INTS11: variants seen among roughly 807,000 people sequenced by gnomAD.
INTS11 encodes integrator complex subunit 11.
INTS11 carries 77 observed loss-of-function variants against 78.6 expected under a neutral mutation model. The ratio of observed to expected loss-of-function variants is 0.98; its 90% CI spans 0.81 to 1.18. The LOEUF is 1.18. INTS11 is among the 50% of genes most tolerant of loss of function. INTS11 has a pLI of 0.00. For synonymous variants in INTS11, 441 were observed against 326.9 expected (o/e 1.35, Z -3.77); for missense variants, 875 against 825.9 (o/e 1.06, Z -0.73).
Position 1,312,048 on chromosome 1 carries a change from G to A in INTS11, c.1707C>T (p.Thr569=), listed in dbSNP as rs1323558940. ...AGGTCCAGGAGACCAGCAGCACCTT[G>A]GTGCCTGGGTCCTCAGAAGGGGCGG... ...QAAAPSEDPG[T]KVLLVSWTYQ... is the part of the protein sequence containing the mutation. Residue 569 remains threonine (T), a synonymous_variant, in exon 16 of 17, where the codon ACC becomes ACT. Coordinates refer to ENST00000435064, the MANE Select transcript of INTS11 (RefSeq NM_017871.6). The A allele has an allele frequency of 4.4e-6, 7 of 1,573,310 alleles. No individual in the cohort carries two copies. The highest frequency in any genetic ancestry group is 6.0e-6 in the Non-Finnish European group (7 of 1,158,762).
At chr1:1,320,948 G>T in intron 2 of INTS11, 48 bp downstream of exon 2, 1 of 1,530,138 alleles carries the variant, frequency 6.5e-7, no homozygotes, top group Non-Finnish European at 9.1e-7. Context: ...GTCCAGCTGT[G>T]GATGGCCGGC....
At chr1:1,319,182 G>A (rs769545900) in intron 4 of INTS11, 114 bp downstream of exon 4, 29 of 934,152 alleles carry the variant, frequency 3.1e-5, no homozygotes, top group Admixed American at 1.0e-4. Flanking sequence ...GAGTGAGGTG[G>A]GGTGGGCTCA....
Position 1,311,801 on chromosome 1 carries a change from G to T in INTS11, c.*58C>A. 1 of 1,495,580 alleles carries T rather than the reference G, an allele frequency of 6.7e-7. No individual in the cohort carries two copies. Among genetic ancestry groups the T allele is most frequent in the Non-Finnish European group, 9.0e-7 (1 of 1,109,814 alleles). 92.6% of individuals were successfully genotyped at this position (1,495,580 alleles called of 1,614,324 possible). On this transcript the variant is annotated 3_prime_UTR_variant, in exon 17 of 17. Transcript: ENST00000435064. ...GGGCACCCACAGTCCTGAAGTGCAGGCCCAGGGTCTGTCCAGCTGGGAGAG... is the reference window on the plus strand; with the variant it reads ...GGGCACCCACAGTCCTGAAGTGCAGTCCCAGGGTCTGTCCAGCTGGGAGAG...
Position 1,312,213 on chromosome 1 carries a change from G to GGGGGGGGCCCCCCCCCC in INTS11, c.1607+12_1607+13insGGGGGGGGGGCCCCCCC. On this transcript the variant is annotated intron_variant, in intron 15 of 16. Transcript: ENST00000435064. ...CCCAAGGGAGTGGGGGGGGGGCGGG[G>GGGGGGGGCCCCCCCCCC]CCGGGCGCCCACCTCTTGAGGTGGC... The GGGGGGGGCCCCCCCCCC allele has an allele frequency of 4.3e-6, 4 of 934,534 alleles. No individual in the cohort carries two copies. The highest frequency in any genetic ancestry group is 6.3e-6 in the Non-Finnish European group (4 of 636,590). 57.9% of individuals were successfully genotyped at this position (934,534 alleles called of 1,614,324 possible). A position where few individuals can be genotyped will look rare whatever the true frequency, so the allele number is the denominator to read the frequency against.
rs368395926 is a variant in INTS11, at chr1:1,314,842, G to C, written c.684C>G (p.Thr228=). ...CAGCTACCTTCCCACCACGCTCCAC[G>C]GTCTCGTGGACTTTCTTCAGGAAGT... ...ERDFLKKVHE[T]VERGGKVLIP... The change falls in exon 7 of 17, where the codon ACC becomes ACG. Residue 228 remains threonine (T), a synonymous_variant. Coordinates refer to ENST00000435064, the MANE Select transcript of INTS11 (RefSeq NM_017871.6). The surrounding 1 kb of genome is among the most constrained non-coding windows in gnomAD (Gnocchi z 4.2). 12 of 1,612,180 alleles carry C rather than the reference G, an allele frequency of 7.4e-6. No individual in the cohort carries two copies. In the South Asian group the frequency reaches 1.3e-4, roughly 18 times the overall value.
At position 1,319,461 on chromosome 1, in the gene INTS11, C is replaced by G. The variant is rs10907179; in HGVS notation, c.264G>C (p.Gly88=). The change falls in exon 4 of 17, where the codon GGG becomes GGC. Residue 88 remains glycine (G), a synonymous_variant. Coordinates refer to ENST00000435064, the MANE Select transcript of INTS11 (RefSeq NM_017871.6). ...PYFSEMVGYD[G]PIYMTHPTQA... ...GGGTGGGGTGAGTCATGTAGATGGG[C>G]CCGTCGTAGCCCACCATCTCGCTGA... The G allele has an allele frequency of 0.89, 1,431,455 of 1,610,960 alleles. 648,022 individuals are homozygous for G. The highest frequency in any genetic ancestry group is 0.93 in the Non-Finnish European group (1,098,897 of 1,178,562).
intron 1 of INTS11, among the ~76,000 whole-genome samples, chr1:1,322,611 C>T (rs1300075984): frequency 9.8e-6 from 1 of 102,028 alleles, no homozygotes; most frequent in Non-Finnish European, 2.0e-5. Context: ...GGAGAAGAAG[C>T]GGGGCGGGCG....
chr1:1,313,019 C>CG lies in INTS11; in HGVS notation c.1131+15dup. On this transcript the variant is annotated intron_variant, in intron 11 of 16. Coordinates refer to ENST00000435064, the MANE Select transcript of INTS11 (RefSeq NM_017871.6). ...GCCCCTCGGCCCTGCCAGCCCAGTG[C>CG]GGGGTCGAGACTCACCACCTGCCGC... 6.2e-7 allele frequency: 1 copy of CG among 1,611,230 alleles called. No homozygotes were observed. The highest frequency in any genetic ancestry group is 2.2e-5 in the East Asian group (1 of 44,848).
intron 4 of INTS11, 189 bp downstream of exon 4, chr1:1,319,107 A>G: frequency 1.3e-6 from 1 of 764,614 alleles, no homozygotes. Context: ...GTCGGCGCCC[A>G]GTCTGGTCTG....
At position 1,312,845 on chromosome 1, in the gene INTS11, C is replaced by G. The variant is rs1642312201; in HGVS notation, c.1236G>C (p.Leu412=). Residue 412 remains leucine (L), a synonymous_variant, in exon 12 of 17, where the codon CTG becomes CTC. Coordinates refer to ENST00000435064, the MANE Select transcript of INTS11 (RefSeq NM_017871.6). Reference sequence around the variant, plus strand: ...CCATCTTCTTGGCCTCGCCATGCACCAGCAGCACGCTCTCCGGCTCTGCCT... The same window carrying G: ...CCATCTTCTTGGCCTCGCCATGCACGAGCAGCACGCTCTCCGGCTCTGCCT... ...VGQAEPESVL[L]VHGEAKKMEF... 1 of 1,612,034 alleles carries G rather than the reference C, an allele frequency of 6.2e-7. No homozygotes were observed. Among genetic ancestry groups the G allele is most frequent in the Non-Finnish European group, 8.5e-7 (1 of 1,179,820 alleles).
intron 6 of INTS11, 91 bp downstream of exon 6, chr1:1,315,313 C>T (rs374394282): frequency 2.7e-6 from 4 of 1,484,382 alleles, no homozygotes; most frequent in East Asian, 2.3e-5. Context: ...CACTGCCAGG[C>T]TGGCCACTCA....
At position 1,320,233 on chromosome 1, in the gene INTS11, G is replaced by C. The variant is rs1024499502; in HGVS notation, c.200+223C>G. 2.7e-5 allele frequency: 15 copies of C among 550,602 alleles called. No homozygotes were observed. In the African/African-American group the frequency reaches 2.8e-4, roughly 10 times the overall value. 34.1% of individuals were successfully genotyped at this position (550,602 alleles called of 1,614,324 possible). A position where few individuals can be genotyped will look rare whatever the true frequency, so the allele number is the denominator to read the frequency against. On this transcript the variant is annotated intron_variant, in intron 3 of 16. Transcript: ENST00000435064. The stretch of plus-strand genomic sequence containing the variant: ...GAGAGGGTGAAGCCTGGAGGGCCGG[G>C]TTCAGAAAGTAGGGTTCAGAGGGCA...
rs199632201 is a variant in INTS11 at position 1,312,794 on chromosome 1, C to T, written c.1287G>A (p.Gln429=). ...GCCCGCCCGGCTGCCTACGGAGCTC[C>T]TGCTCGATCTTCTGCTTCAGGAACT... ...KMEFLKQKIE[Q]ELRVNCYMPA... Residue 429 remains glutamine (Q), a synonymous_variant, in exon 12 of 17, where the codon CAG becomes CAA. Transcript: ENST00000435064. 2 of 1,608,102 alleles carry T rather than the reference C, an allele frequency of 1.2e-6. No individual in the cohort carries two copies. The highest frequency in any genetic ancestry group is 8.5e-7 in the Non-Finnish European group (1 of 1,177,154).
intron 1 of INTS11, chr1:1,323,000 C>T: frequency 7.2e-7 from 1 of 1,385,850 alleles, no homozygotes; most frequent in Non-Finnish European, 9.4e-7. Context: ...GAACAGGCAG[C>T]CAAGAGGCCA....
intron 1 of INTS11, chr1:1,322,861 C>T (rs772149208): frequency 8.7e-5 from 100 of 1,149,434 alleles, no homozygotes; most frequent in Middle Eastern, 3.7e-4. Flanking sequence ...TGCAGGGAAG[C>T]GGTGAAACAG....
intron 1 of INTS11, 41 bp from the exon 2 acceptor site, chr1:1,321,134 G>A (rs1025914729): frequency 8.8e-6 from 13 of 1,482,120 alleles, no homozygotes; most frequent in Admixed American, 1.7e-5. Context: ...TGCGCCCCCC[G>A]CCCCCTGTGC....
Position 1,319,469 on chromosome 1 carries a change from A to G in INTS11, c.256T>C (p.Tyr86His). ...TGAGTCATGTAGATGGGCCCGTCGT[A>G]GCCCACCATCTCGCTGAAGTAGGGG... Reference protein sequence around the residue: ...ALPYFSEMVGYDGPIYMTHPT... With the variant: ...ALPYFSEMVGHDGPIYMTHPT... The change falls in exon 4 of 17, where the codon TAC becomes CAC. Residue 86 changes from tyrosine (Y) to histidine (H), a missense_variant. Coordinates refer to ENST00000435064, the MANE Select transcript of INTS11 (RefSeq NM_017871.6). 1 of 1,608,888 alleles carries G rather than the reference A, an allele frequency of 6.2e-7. No individual in the cohort carries two copies. The highest frequency in any genetic ancestry group is 8.5e-7 in the Non-Finnish European group (1 of 1,177,274).
At chr1:1,321,898 T>TACCCCCCCCC in intron 1 of INTS11, 10 of 1,141,932 alleles carry the variant, frequency 8.8e-6, no homozygotes, top group Non-Finnish European at 1.0e-5. Context: ...TCCCCTTGAA[T>TACCCCCCCCC]CCCACCCACC....
At position 1,314,776 on chromosome 1, in the gene INTS11, C is replaced by T. The variant is rs536071578; in HGVS notation, c.702+48G>A. ...GGGCAGCCAAGCCTGCCAGAAAGAC[C>T]AGCCCAGCATGGCCGAGGGCCCATG... On this transcript the variant is annotated intron_variant, in intron 7 of 16. Transcript: ENST00000435064. This position sits in a 1 kb window ranked among gnomAD's most constrained non-coding sequence, Gnocchi z 4.2. The T allele has an allele frequency of 6.3e-5, 100 of 1,574,914 alleles. No individual in the cohort carries two copies. The Admixed American group carries it at 1.7e-3, about 27-fold the overall frequency.
Sources: allele counts gnomAD v4.1 joint callset (sites outside exome capture counted in the v4.1 genomes callset), GRCh38; gene constraint gnomAD v4.1.1; non-coding constraint Gnocchi (gnomAD v3.1); transcripts MANE v1.5; gene names NCBI Gene and HGNC (gene_info 2026-07-23, HGNC 2026-07-21).